Variants in RC3H2 observed in about 807,000 individuals in gnomAD.
RC3H2 encodes roquin-2.
RC3H2 carries 31 observed loss-of-function variants against 133.3 expected under a neutral mutation model. The observed-to-expected ratio is 0.23, with a 90% CI of 0.17 to 0.31. The LOEUF is 0.31. Ranked by LOEUF, RC3H2 falls within the 10% of genes least tolerant of loss-of-function variation. RC3H2 has a pLI of 1.00. For synonymous variants in RC3H2, 517 were observed against 502.2 expected (o/e 1.03, Z -0.40); for missense variants, 1,175 against 1,437.2 (o/e 0.82, Z 2.95).
chr9:122,874,401 T>G (rs186822342), intron 9 of RC3H2: 14 of 152,242 alleles, frequency 9.2e-5, no homozygotes, highest in Non-Finnish European at 1.6e-4. Flanking sequence ...AAAAAGCCAC[T>G]GAAGCAGTAA....
At chr9:122,901,376 A>C (rs1832640428) in intron 1 of RC3H2, among the ~76,000 whole-genome samples, 1 of 152,212 alleles carries the variant, frequency 6.6e-6, no homozygotes, top group Admixed American at 6.5e-5. Context: ...GCTAAAAGAC[A>C]AGTAAAAACC....
intron 2 of RC3H2, 93 bp from the exon 3 acceptor site, chr9:122,893,119 T>C: frequency 6.8e-7 from 1 of 1,472,108 alleles, no homozygotes; most frequent in East Asian, 2.3e-5. Flanking sequence ...TTGGTGAGTA[T>C]AAAATTATCA....
intron 1 of RC3H2, among the ~76,000 whole-genome samples, chr9:122,902,122 G>C (rs1169945820): frequency 6.6e-6 from 1 of 151,750 alleles, no homozygotes; most frequent in Non-Finnish European, 1.5e-5. Flanking sequence ...GTAGAGATGG[G>C]GTTTATCCAT....
intron 5 of RC3H2, among the ~76,000 whole-genome samples, chr9:122,882,673 G>C (rs1193737703): frequency 6.6e-6 from 1 of 152,134 alleles, no homozygotes; most frequent in Non-Finnish European, 1.5e-5. Flanking sequence ...ATATCTTGGG[G>C]TTCTTCTCTA....
chr9:122,866,219 C>T (rs891696550), intron 9 of RC3H2, among the ~76,000 whole-genome samples: 22 of 151,998 alleles, frequency 1.4e-4, no homozygotes, highest in Non-Finnish European at 2.5e-4. Flanking sequence ...TAGTTTATAC[C>T]TAAAGTTAAA....
rs1310341134 is a variant in RC3H2, at chr9:122,895,996, C to T, written c.231+1283G>A. Among the ~76,000 whole-genome samples the T allele has an allele frequency of 3.2e-3, 458 of 141,212 alleles. 4 individuals carry two copies. Among genetic ancestry groups the T allele is most frequent in the African/African-American group, 0.011 (424 of 37,492 alleles). The allele number at this position is 141,212 out of a possible 152,430, so 92.6% of individuals were successfully genotyped here. ...TATAGCACATGTTCTTTTTTTTTTC[C>T]CCCCTAATGTTCAACTAAAGCATCA... On this transcript the variant is annotated intron_variant, in intron 2 of 20. Transcript: ENST00000357244.
intron 20 of RC3H2, 53 bp downstream of exon 20, chr9:122,851,028 C>T: frequency 1.3e-6 from 2 of 1,580,606 alleles, no homozygotes; most frequent in East Asian, 2.2e-5. Context: ...GCATTTTTTT[C>T]TCTTTATTAT....
In RC3H2 at chr9:122,905,350, C is replaced by A; in HGVS notation, c.-308G>T. On this transcript the variant is annotated 5_prime_UTR_variant, in exon 1 of 21. It adds an upstream start codon to the 5' untranslated region. Transcript: ENST00000357244. ...CCTCCTCCTCACCACGGAGGCGGAC[C>A]TGGAGGGATCCCGATCTAGCTCTCG... 1 of 935,516 alleles carries A rather than the reference C, an allele frequency of 1.1e-6. No homozygotes were observed. The highest frequency in any genetic ancestry group is 4.9e-5 in the South Asian group (1 of 20,312). 58.0% of individuals were successfully genotyped at this position (935,516 alleles called of 1,614,324 possible). A position where few individuals can be genotyped will look rare whatever the true frequency, so the allele number is the denominator to read the frequency against.
Position 122,905,215 on chromosome 9 carries a change from G to A in RC3H2, c.-173C>T, listed in dbSNP as rs930636239. ...TCTCGCCGGGGCAGAGCTCGGCGGAGGTTTCACGACCTCAAACTCCATCGG... is the reference window on the plus strand; with the variant it reads ...TCTCGCCGGGGCAGAGCTCGGCGGAAGTTTCACGACCTCAAACTCCATCGG... On this transcript the variant is annotated 5_prime_UTR_variant, in exon 1 of 21. Coordinates refer to ENST00000357244, the MANE Select transcript of RC3H2 (RefSeq NM_001100588.3). The A allele has an allele frequency of 1.0e-6, 1 of 985,494 alleles. No homozygotes were observed. Among genetic ancestry groups the A allele is most frequent in the African/African-American group, 1.7e-5 (1 of 57,374 alleles). 61.0% of individuals were successfully genotyped at this position (985,494 alleles called of 1,614,324 possible).
At chr9:122,859,857 T>C (rs1309632043) in intron 11 of RC3H2, 60 bp downstream of exon 11, 6 of 1,315,830 alleles carry the variant, frequency 4.6e-6, no homozygotes, top group African/African-American at 4.4e-5. Flanking sequence ...GAACTATTCA[T>C]TCATTTATCT....
At chr9:122,858,224 C>T (rs920680019) in intron 12 of RC3H2, 131 bp from the exon 13 acceptor site, 1 of 771,140 alleles carries the variant, frequency 1.3e-6, no homozygotes, top group Admixed American at 2.9e-5. Context: ...TCACCCTAGT[C>T]TATTCTCCAT....
intron 10 of RC3H2, among the ~76,000 whole-genome samples, chr9:122,861,176 G>A (rs10985796): frequency 0.083 from 12,565 of 152,044 alleles, 1,660 homozygotes; most frequent in East Asian, 0.6. Context: ...GGATCTTATG[G>A]CTTTCTTAAC....
chr9:122,858,257 T>C (rs886983098), intron 12 of RC3H2, among the ~76,000 whole-genome samples, 164 bp from the exon 13 acceptor site: 7 of 152,344 alleles, frequency 4.6e-5, no homozygotes, highest in Admixed American at 2.0e-4. Flanking sequence ...AAAAGGTTAA[T>C]ATTTATTCAA....
chr9:122,899,699 T>C (rs2131509606), intron 1 of RC3H2, among the ~76,000 whole-genome samples: 2 of 152,308 alleles, frequency 1.3e-5, no homozygotes, highest in Middle Eastern at 6.8e-3. Context: ...TAACATCCAG[T>C]TTTCTGGTTT....
At chr9:122,870,648 G>A (rs1268033789) in intron 9 of RC3H2, among the ~76,000 whole-genome samples, 1 of 152,068 alleles carries the variant, frequency 6.6e-6, no homozygotes, top group East Asian at 1.9e-4. Context: ...AATCCTAAAT[G>A]CAAGTGATCC....
chr9:122,878,360 G>A (rs1232707178), intron 8 of RC3H2, among the ~76,000 whole-genome samples: 5 of 151,912 alleles, frequency 3.3e-5, no homozygotes, highest in Non-Finnish European at 2.9e-5. Flanking sequence ...TCCACTTCCC[G>A]GGTTCAGGCC....
rs745402271 is a variant in RC3H2, at chr9:122,855,400, A to G, written c.2602-3T>C. 3.1e-6 allele frequency: 5 copies of G among 1,610,776 alleles called. No individual in the cohort carries two copies. Among genetic ancestry groups the G allele is most frequent in the Admixed American group, 1.7e-5 (1 of 59,968 alleles). On this transcript the variant is annotated splice_region_variant and splice_polypyrimidine_tract_variant and intron_variant, in intron 14 of 20. Coordinates refer to ENST00000357244, the MANE Select transcript of RC3H2 (RefSeq NM_001100588.3). Reference sequence around the variant, plus strand: ...TTAACATCACCACTGTCCAGGTCCTATGTAAACCAAAGAAAATCAATAAAA... The same window carrying G: ...TTAACATCACCACTGTCCAGGTCCTGTGTAAACCAAAGAAAATCAATAAAA...
At chr9:122,855,469 A>C in intron 14 of RC3H2, 72 bp from the exon 15 acceptor site, 1 of 1,389,182 alleles carries the variant, frequency 7.2e-7, no homozygotes, top group Non-Finnish European at 1.0e-6. Flanking sequence ...ATGCTATCAA[A>C]AGACATGTAA....
chr9:122,888,517 A>C (rs1379434572), intron 4 of RC3H2, among the ~76,000 whole-genome samples: 2 of 152,098 alleles, frequency 1.3e-5, no homozygotes, highest in African/African-American at 2.4e-5. Flanking sequence ...TCTTTTGGAA[A>C]ATTTAAATGA....
Sources: allele counts gnomAD v4.1 joint callset (sites outside exome capture counted in the v4.1 genomes callset), GRCh38; gene constraint gnomAD v4.1.1; transcripts MANE v1.5; gene names NCBI Gene and HGNC (gene_info 2026-07-23, HGNC 2026-07-21).